Variants in SAMMSON observed in about 807,000 individuals in gnomAD.
The protein encoded by SAMMSON is survival associated mitochondrial melanoma specific oncogenic non-coding RNA.
chr3:70,358,678 G>GA (rs901415316), intron 9 of SAMMSON, among the ~76,000 whole-genome samples: 8 of 150,790 alleles, frequency 5.3e-5, no homozygotes, highest in Non-Finnish European at 8.9e-5. Flanking sequence ...TATATCTTCT[G>GA]TTTTTTTTTC....
chr3:70,393,155 A>G (rs1304007311), downstream of SAMMSON, among the ~76,000 whole-genome samples: 1 of 152,206 alleles, frequency 6.6e-6, no homozygotes, highest in African/African-American at 2.4e-5. Context: ...GGCCTTTACT[A>G]TAATATTTTG....
chr3:70,189,294 C>G (rs1576148432), intron 4 of SAMMSON, among the ~76,000 whole-genome samples: 1 of 152,174 alleles, frequency 6.6e-6, no homozygotes, highest in Non-Finnish European at 1.5e-5. Flanking sequence ...TGGTAACTCT[C>G]TCCCTCATGC....
intron 4 of SAMMSON, among the ~76,000 whole-genome samples, chr3:70,098,610 A>T (rs1576121299): frequency 6.6e-6 from 1 of 151,600 alleles, no homozygotes; most frequent in South Asian, 2.1e-4. Context: ...ATTGTGATCC[A>T]CCCGCCTCGG....
At chr3:70,126,412 T>C (rs570140071) in intron 4 of SAMMSON, 1 of 788,632 alleles carries the variant, frequency 1.3e-6, no homozygotes, top group South Asian at 1.5e-5. Flanking sequence ...TGGCAAAAGC[T>C]GTATGTTTCA....
intron 4 of SAMMSON, among the ~76,000 whole-genome samples, chr3:70,200,240 C>T (rs927172185): frequency 3.3e-5 from 5 of 152,160 alleles, no homozygotes; most frequent in Admixed American, 2.0e-4. Flanking sequence ...CACATGAGCC[C>T]GCTTCAAATT....
At chr3:70,062,276 C>T (rs2067193524) in intron 3 of SAMMSON, among the ~76,000 whole-genome samples, 1 of 152,078 alleles carries the variant, frequency 6.6e-6, no homozygotes, top group Non-Finnish European at 1.5e-5. Context: ...CATGCTCTTT[C>T]TCCTTGCCCT....
chr3:70,296,914 T>C (rs1050429782), intron 7 of SAMMSON, among the ~76,000 whole-genome samples: 3 of 152,032 alleles, frequency 2.0e-5, no homozygotes, highest in Admixed American at 2.0e-4. Flanking sequence ...AACTTTCATA[T>C]GGCTAATAAA....
intron 4 of SAMMSON, among the ~76,000 whole-genome samples, chr3:70,099,700 A>G (rs1373565461): frequency 1.3e-5 from 2 of 152,144 alleles, no homozygotes; most frequent in Non-Finnish European, 2.9e-5. Context: ...TCTTGTTTCT[A>G]AACATTCTCC....
chr3:70,427,870 C>G (rs527563114), intron 2 of SAMMSON, among the ~76,000 whole-genome samples: 1 of 151,992 alleles, frequency 6.6e-6, no homozygotes, highest in East Asian at 1.9e-4. Context: ...TATCAACTGA[C>G]ATGGAATCTT....
chr3:70,241,555 G>A (rs1378880829), intron 4 of SAMMSON, among the ~76,000 whole-genome samples: 1 of 152,050 alleles, frequency 6.6e-6, no homozygotes, highest in African/African-American at 2.4e-5. Flanking sequence ...CATTGCTAAA[G>A]GTATTCTTGT....
chr3:70,401,402 A>G (rs1339468271), intron 2 of SAMMSON, among the ~76,000 whole-genome samples: 1 of 152,176 alleles, frequency 6.6e-6, no homozygotes, highest in Non-Finnish European at 1.5e-5. Flanking sequence ...ACTCTTACAT[A>G]AGGCAATTAC....
intron 9 of SAMMSON, among the ~76,000 whole-genome samples, chr3:70,368,630 C>G (rs1192208935): frequency 6.6e-6 from 1 of 151,558 alleles, no homozygotes; most frequent in East Asian, 1.9e-4. Context: ...ACATTATCCT[C>G]TCTCTATTGA....
chr3:70,227,405 A>G (rs956832348), intron 4 of SAMMSON, among the ~76,000 whole-genome samples: 5 of 152,224 alleles, frequency 3.3e-5, no homozygotes, highest in Non-Finnish European at 4.4e-5. Flanking sequence ...GTGATTCAAA[A>G]TATCAAGTTC....
At chr3:70,236,154 A>C (rs1184826482) in intron 4 of SAMMSON, among the ~76,000 whole-genome samples, 1 of 152,054 alleles carries the variant, frequency 6.6e-6, no homozygotes, top group African/African-American at 2.4e-5. Context: ...TCATTCTTCA[A>C]CTCTCTCCTT....
At chr3:70,044,798 T>C (rs2067118023) in intron 3 of SAMMSON, among the ~76,000 whole-genome samples, 1 of 150,202 alleles carries the variant, frequency 6.7e-6, no homozygotes, top group South Asian at 2.1e-4. Context: ...ATAAAATCTA[T>C]ACTTCACATA....
chr3:70,161,657 G>C (rs2067615721), intron 4 of SAMMSON, among the ~76,000 whole-genome samples: 1 of 151,754 alleles, frequency 6.6e-6, no homozygotes, highest in African/African-American at 2.4e-5. Flanking sequence ...TTTGACTTTA[G>C]TATCAGCCTT....
intron 4 of SAMMSON, among the ~76,000 whole-genome samples, chr3:70,231,087 C>G (rs565430326): frequency 1.3e-5 from 2 of 152,174 alleles, no homozygotes; most frequent in Non-Finnish European, 2.9e-5. Flanking sequence ...CATAACAGCT[C>G]TATTGTTATC....
At chr3:70,308,328 A>G (rs2106707567) in intron 7 of SAMMSON, among the ~76,000 whole-genome samples, 1 of 152,112 alleles carries the variant, frequency 6.6e-6, no homozygotes, top group East Asian at 1.9e-4. Context: ...AAGTGCTGAG[A>G]TTATAGGCAT....
intron 3 of SAMMSON, chr3:70,068,416 TG>T (rs1455144788): frequency 1.3e-5 from 2 of 152,090 alleles, no homozygotes; most frequent in Non-Finnish European, 2.9e-5. Flanking sequence ...GAAAATGACA[TG>T]ATCTATCCCA....
Sources: gnomAD v4.1 joint callset for allele counts (sites outside exome capture counted in the v4.1 genomes callset) on GRCh38, gnomAD v4.1.1 for gene constraint, MANE v1.5 for transcripts, NCBI Gene and HGNC (gene_info 2026-07-23, HGNC 2026-07-21) for gene names.